CACNA2D3: variants seen among roughly 807,000 people sequenced by gnomAD.
CACNA2D3 encodes voltage-dependent calcium channel subunit alpha-2/delta-3.
Under a neutral mutation model 160.6 loss-of-function variants are expected in CACNA2D3, and 60 were observed. The ratio of observed to expected loss-of-function variants is 0.37; its 90% confidence interval spans 0.30 to 0.46. The LOEUF is 0.46. CACNA2D3 is among the 20% of genes least tolerant of loss of function. CACNA2D3 has a pLI of 1.00. For missense variants in CACNA2D3, 1,205 were observed against 1,365.0 expected, an observed-to-expected ratio of 0.88 and a Z score of 1.85; for synonymous variants, 558 against 492.9, an observed-to-expected ratio of 1.13 and a Z score of -1.75.
intron 2 of CACNA2D3, among the ~76,000 whole-genome samples, chr3:54,134,597 A>C (rs1029938499): frequency 3.3e-5 from 5 of 152,208 alleles, no homozygotes; most frequent in African/African-American, 4.8e-5. Context: ...ATGAATCCCA[A>C]CATTGGGCAT....
intron 3 of CACNA2D3, among the ~76,000 whole-genome samples, chr3:54,344,204 C>A (rs1290439144): frequency 6.6e-6 from 1 of 152,180 alleles, no homozygotes; most frequent in Non-Finnish European, 1.5e-5. Context: ...TCTCTCACCT[C>A]TCCCGTAGGC....
chr3:54,377,137 C>A (rs1239627439), intron 3 of CACNA2D3, among the ~76,000 whole-genome samples: 1 of 152,238 alleles, frequency 6.6e-6, no homozygotes, highest in East Asian at 1.9e-4. Flanking sequence ...CTTGCTTTGG[C>A]AAACAGCTTA....
In CACNA2D3 at chr3:54,754,337, C is replaced by G. The variant is rs141808530; in HGVS notation, c.1246+1660C>G. 2.6e-5 allele frequency among the ~76,000 whole-genome samples: 4 copies of G among 152,300 alleles called. 1 individual carries two copies. In the East Asian group the frequency reaches 7.7e-4, roughly 29 times the overall value. Reference sequence around the variant, plus strand: ...TATCCACCAACTATGTGCAAGTTACCAAACCTATCTGGGTAGATCTGAGTC... The same window carrying G: ...TATCCACCAACTATGTGCAAGTTACGAAACCTATCTGGGTAGATCTGAGTC... On this transcript the variant is annotated intron_variant, in intron 12 of 37. Coordinates refer to ENST00000474759, the MANE Select transcript of CACNA2D3 (RefSeq NM_018398.3).
At chr3:55,051,648 G>A (rs373793608) in intron 35 of CACNA2D3, among the ~76,000 whole-genome samples, 81 of 152,142 alleles carry the variant, frequency 5.3e-4, no homozygotes, top group East Asian at 1.9e-3. Flanking sequence ...TCGAGCTTCC[G>A]GGCTGCTTTG....
chr3:54,139,870 G>T (rs935002968), intron 2 of CACNA2D3, among the ~76,000 whole-genome samples: 2 of 152,238 alleles, frequency 1.3e-5, no homozygotes, highest in Non-Finnish European at 1.5e-5. Context: ...AACCTGAGAG[G>T]CTTAGGGGAA....
At chr3:54,261,917 C>T (rs55951932) in intron 2 of CACNA2D3, among the ~76,000 whole-genome samples, 23,766 of 152,032 alleles carry the variant, frequency 0.16, 2,185 homozygotes, top group Non-Finnish European at 0.21. Flanking sequence ...ATTGCACAGA[C>T]CCCCCCATGG....
At chr3:54,383,254 GAC>G (rs1162032563) in intron 3 of CACNA2D3, among the ~76,000 whole-genome samples, 1 of 152,136 alleles carries the variant, frequency 6.6e-6, no homozygotes, top group African/African-American at 2.4e-5. Context: ...CTTTCCACAA[GAC>G]ACATATTTCT....
intron 27 of CACNA2D3, among the ~76,000 whole-genome samples, chr3:54,909,647 T>TA (rs201610024): frequency 0.013 from 1,902 of 149,670 alleles, 28 homozygotes; most frequent in African/African-American, 0.045. Context: ...TTTGTGATTT[T>TA]TTTTTTTTTT....
chr3:54,670,571 G>A (rs1010456154), intron 11 of CACNA2D3, among the ~76,000 whole-genome samples: 2 of 152,188 alleles, frequency 1.3e-5, no homozygotes, highest in African/African-American at 4.8e-5. Context: ...CCAGGTAGCA[G>A]GAGTGAGGGG....
chr3:54,780,822 G>A (rs1006672906), intron 13 of CACNA2D3, among the ~76,000 whole-genome samples: 13 of 152,286 alleles, frequency 8.5e-5, no homozygotes, highest in Non-Finnish European at 1.3e-4. Flanking sequence ...AAGGAGTGGG[G>A]GGGTTGGAAT....
chr3:54,915,222 A>G (rs183199517), intron 27 of CACNA2D3, among the ~76,000 whole-genome samples: 205 of 152,314 alleles, frequency 1.3e-3, no homozygotes, highest in African/African-American at 4.7e-3. Context: ...TTTCAGATAT[A>G]AAGTTGATTC....
chr3:54,478,150 G>A (rs1233280160), intron 4 of CACNA2D3, among the ~76,000 whole-genome samples: 19 of 151,726 alleles, frequency 1.3e-4, no homozygotes, highest in Non-Finnish European at 2.9e-5. Context: ...CATTTTCTGG[G>A]AATGCTACAA....
chr3:54,658,893 C>G (rs1195742752), intron 11 of CACNA2D3, among the ~76,000 whole-genome samples: 1 of 152,092 alleles, frequency 6.6e-6, no homozygotes, highest in Non-Finnish European at 1.5e-5. Flanking sequence ...CTGCTGCCCC[C>G]TCATGCCCTC....
chr3:54,883,823 C>CTCTCTCTCTCTCTCTCTCTCTCTCT (rs60132112), intron 21 of CACNA2D3, among the ~76,000 whole-genome samples: 35 of 88,944 alleles, frequency 3.9e-4, no homozygotes, highest in Middle Eastern at 6.3e-3. Context: ...CTCTCTCTCT[C>CTCTCTCTCTCTCTCTCTCTCTCTCT]CTCTCTCTCC....
At chr3:54,253,785 G>GT (rs1408454660) in intron 2 of CACNA2D3, among the ~76,000 whole-genome samples, 3 of 149,832 alleles carry the variant, frequency 2.0e-5, no homozygotes, top group Admixed American at 6.6e-5. Context: ...GTTTTTTTTT[G>GT]TTTTTTGAGA....
At chr3:54,225,921 A>T (rs111504640) in intron 2 of CACNA2D3, among the ~76,000 whole-genome samples, 44 of 152,204 alleles carry the variant, frequency 2.9e-4, no homozygotes, top group Non-Finnish European at 5.3e-4. Context: ...TCCGGAAAGC[A>T]CTGAGACTAG....
At chr3:54,577,961 C>T (rs1702613519) in intron 8 of CACNA2D3, among the ~76,000 whole-genome samples, 1 of 152,216 alleles carries the variant, frequency 6.6e-6, no homozygotes, top group African/African-American at 2.4e-5. Context: ...TATGTGGCAG[C>T]TTCTAAGCTC....
In CACNA2D3 at chr3:54,896,771, AAGG is replaced by A. The variant is rs1441965707; in HGVS notation, c.2272_2274del (p.Glu758del). 1 of 1,613,992 alleles carries A rather than the reference AAGG, an allele frequency of 6.2e-7. No individual in the cohort carries two copies. The highest frequency in any genetic ancestry group is 1.1e-5 in the South Asian group (1 of 91,072). On this transcript the variant is annotated inframe_deletion, in exon 26 of 38. Transcript: ENST00000474759. Reference sequence around the variant, plus strand: ...AAGGGACTTCCTGAAAGCTGGCGACAAGGAGAACATTTTTAACGCAGACCATTT... The same window carrying A: ...AAGGGACTTCCTGAAAGCTGGCGACAAGAACATTTTTAACGCAGACCATTT...
At position 54,509,892 on chromosome 3, in the gene CACNA2D3, C is replaced by T. The variant is rs1353626968; in HGVS notation, c.544+6238C>T. ...TATTGGCAATGCCTCCATACTTCTG[C>T]ATGTGTATGTGGCACAATAGGTCTG... On this transcript the variant is annotated intron_variant, in intron 5 of 37. Transcript: ENST00000474759. 3.9e-5 allele frequency among the ~76,000 whole-genome samples: 6 copies of T among 152,208 alleles called. No homozygotes were observed. The East Asian group carries it at 1.2e-3, about 29-fold the overall frequency.
Sources: allele counts gnomAD v4.1 joint callset (sites outside exome capture counted in the v4.1 genomes callset), GRCh38; gene constraint gnomAD v4.1.1; transcripts MANE v1.5; gene names NCBI Gene and HGNC (gene_info 2026-07-23, HGNC 2026-07-21).